Variants in COL9A1 observed in about 807,000 individuals in gnomAD.
The protein encoded by COL9A1 is collagen alpha-1(IX) chain.
In COL9A1, 104 loss-of-function variants were observed where a neutral mutation model predicts 142.6. That is an observed-to-expected ratio of 0.73 (90% CI 0.62 to 0.86). COL9A1 has a LOEUF of 0.86. Ranked by LOEUF, COL9A1 falls within the 40% of genes least tolerant of loss-of-function variation. The pLI is 0.00. For missense variants in COL9A1, 1,210 were observed against 1,176.6 expected (o/e 1.03, Z -0.42); for synonymous variants, 466 against 396.0 (o/e 1.18, Z -2.10).
chr6:70,272,148 T>C, intron 12 of COL9A1, 60 bp from the exon 13 acceptor site: 1 of 1,375,194 alleles, frequency 7.3e-7, no homozygotes, highest in Non-Finnish European at 1.0e-6. Context: ...TAAATATGAA[T>C]GTAGACATAA....
chr6:70,222,030 T>G lies in COL9A1; in HGVS notation c.2581+3902A>C, dbSNP rs116364152. On this transcript the variant is annotated intron_variant, in intron 37 of 37. Coordinates refer to ENST00000357250, the MANE Select transcript of COL9A1 (RefSeq NM_001851.6). ...TGTCTAGGTTGCAAAGAAAAACTAA[T>G]CGTATGATTAGACAGCCAGCCAATC... 8.9e-3 allele frequency among the ~76,000 whole-genome samples: 1,358 copies of G among 152,280 alleles called. 25 individuals are homozygous for G. Among genetic ancestry groups the G allele is most frequent in the African/African-American group, 0.031 (1,281 of 41,552 alleles).
intron 36 of COL9A1, among the ~76,000 whole-genome samples, chr6:70,229,511 T>C (rs1769418831): frequency 1.3e-5 from 2 of 152,180 alleles, no homozygotes; most frequent in African/African-American, 4.8e-5. Flanking sequence ...ATGCTCTATC[T>C]CCATGTAAAC....
chr6:70,280,478 G>A, intron 10 of COL9A1: 1 of 1,297,124 alleles, frequency 7.7e-7, no homozygotes, highest in Non-Finnish European at 9.8e-7. Context: ...ACAATCTATT[G>A]CCATCCGTAC....
At chr6:70,301,945 C>T (rs959550512) in intron 2 of COL9A1, 56 bp downstream of exon 2, 11 of 1,378,308 alleles carry the variant, frequency 8.0e-6, no homozygotes, top group South Asian at 1.2e-5. Context: ...CACAGCCCTG[C>T]CTGATCATTT....
chr6:70,292,414 C>G (rs151031629), intron 5 of COL9A1, among the ~76,000 whole-genome samples: 1 of 152,152 alleles, frequency 6.6e-6, no homozygotes, highest in African/African-American at 2.4e-5. Flanking sequence ...GTAAAACCAG[C>G]TGCCAGGTTT....
At chr6:70,227,009 A>G (rs958964895) in intron 36 of COL9A1, among the ~76,000 whole-genome samples, 8 of 152,132 alleles carry the variant, frequency 5.3e-5, no homozygotes, top group African/African-American at 1.9e-4. Flanking sequence ...AAGCCCAAAA[A>G]GTAGGCCCAA....
In COL9A1 at chr6:70,280,829, C is replaced by T; in HGVS notation, c.958G>A (p.Gly320Ser). 6.2e-7 allele frequency: 1 copy of T among 1,613,092 alleles called. No homozygotes were observed. Among genetic ancestry groups the T allele is most frequent in the Non-Finnish European group, 8.5e-7 (1 of 1,179,786 alleles). Reference sequence around the variant, plus strand: ...CTACTCACATCAGCGCCAGGTGTGCCAGGCTTGCCTGGAGCTCCTGGCTTT... The same window carrying T: ...CTACTCACATCAGCGCCAGGTGTGCTAGGCTTGCCTGGAGCTCCTGGCTTT... Reference protein sequence around the residue: ...PGKPGAPGKPGTPGADGLTGP... With the variant: ...PGKPGAPGKPSTPGADGLTGP... Residue 320 changes from glycine (G) to serine (S), a missense_variant, in exon 10 of 38, where the codon GGC becomes AGC. Coordinates refer to ENST00000357250, the MANE Select transcript of COL9A1 (RefSeq NM_001851.6).
At position 70,279,648 on chromosome 6, in the gene COL9A1, C is replaced by CAAA. The variant is rs57993118; in HGVS notation, c.975+1161_975+1163dup. ...GGGCAACAAGAGCGAAACTTCGTCT[C>CAAA]AAAAAAAAAAAAAAAAAAAAAACAC... On this transcript the variant is annotated intron_variant, in intron 10 of 37. Transcript: ENST00000357250. 57 of 58,082 alleles carry CAAA rather than the reference C, an allele frequency of 9.8e-4. 1 individual carries two copies. Among genetic ancestry groups the CAAA allele is most frequent in the African/African-American group, 1.6e-3 (26 of 16,434 alleles). The allele number at this position is 58,082 out of a possible 1,614,324, so 3.6% of individuals were successfully genotyped here.
At chr6:70,289,124 G>T (rs1398677630) in intron 5 of COL9A1, among the ~76,000 whole-genome samples, 16 of 152,050 alleles carry the variant, frequency 1.1e-4, no homozygotes, top group Admixed American at 1.0e-3. Context: ...ATGATAAACT[G>T]AGAGGTTTGG....
intron 5 of COL9A1, among the ~76,000 whole-genome samples, chr6:70,292,301 T>C (rs528666025): frequency 8.2e-4 from 125 of 152,300 alleles, no homozygotes; most frequent in African/African-American, 2.9e-3. Context: ...GAGTCAGAAT[T>C]CAGTCTGAAG....
At chr6:70,232,852 C>A (rs1043172574) in intron 35 of COL9A1, 81 bp from the exon 36 acceptor site, 3 of 1,391,788 alleles carry the variant, frequency 2.2e-6, no homozygotes, top group East Asian at 2.5e-5. Context: ...ATTCCAAATG[C>A]CTTTTTTTCT....
intron 28 of COL9A1, among the ~76,000 whole-genome samples, chr6:70,250,706 T>G (rs1220626843): frequency 6.6e-6 from 1 of 152,254 alleles, no homozygotes; most frequent in Non-Finnish European, 1.5e-5. Flanking sequence ...TGGAAATGTT[T>G]CTGTGTTCTC....
Position 70,282,930 on chromosome 6 carries a change from A to G in COL9A1, c.781-12T>C, listed in dbSNP as rs1773263087. 6.2e-7 allele frequency: 1 copy of G among 1,614,024 alleles called. No homozygotes were observed. ...GTGGTCTGGCTGGGCTGGAGAAGAAAAGATGGGGAGAAAGTGAGAAAAGCA... is the reference window on the plus strand; with the variant it reads ...GTGGTCTGGCTGGGCTGGAGAAGAAGAGATGGGGAGAAAGTGAGAAAAGCA... On this transcript the variant is annotated splice_polypyrimidine_tract_variant and intron_variant, in intron 6 of 37. Transcript: ENST00000357250.
intron 37 of COL9A1, among the ~76,000 whole-genome samples, chr6:70,222,418 A>T (rs1184463577): frequency 6.6e-6 from 1 of 152,234 alleles, no homozygotes; most frequent in Non-Finnish European, 1.5e-5. Context: ...ATATTCACCC[A>T]GCCTACTCCT....
chr6:70,295,281 C>CTTTTTTTT lies in COL9A1; in HGVS notation c.300-726_300-719dup, dbSNP rs1171549562. Among the ~76,000 whole-genome samples the CTTTTTTTT allele has an allele frequency of 5.7e-4, 36 of 63,166 alleles. 4 individuals are homozygous for CTTTTTTTT. The highest frequency in any genetic ancestry group is 2.0e-3 in the African/African-American group (32 of 15,656). The allele number at this position is 63,166 out of a possible 152,430, so 41.4% of individuals were successfully genotyped here. On this transcript the variant is annotated intron_variant, in intron 4 of 37. Coordinates refer to ENST00000357250, the MANE Select transcript of COL9A1 (RefSeq NM_001851.6). Reference sequence around the variant, plus strand: ...CTCTACTGCAACTCTGTTGTTGCTTCTTTTTTTTTTTTTTTTTTTTTTTTT... The same window carrying CTTTTTTTT: ...CTCTACTGCAACTCTGTTGTTGCTTCTTTTTTTTTTTTTTTTTTTTTTTTTTTTTTTTT...
At chr6:70,302,624 G>A (rs955297896) in intron 1 of COL9A1, among the ~76,000 whole-genome samples, 1 of 151,004 alleles carries the variant, frequency 6.6e-6, no homozygotes, top group Non-Finnish European at 1.5e-5. Context: ...TCACTGTTTT[G>A]GTACCTATTT....
At chr6:70,297,137 T>G (rs1583351447) in intron 4 of COL9A1, among the ~76,000 whole-genome samples, 2 of 152,228 alleles carry the variant, frequency 1.3e-5, no homozygotes, top group Admixed American at 1.3e-4. Flanking sequence ...GAGATTATGT[T>G]AAAGGTAGGA....
At chr6:70,223,947 A>C (rs1243038718) in intron 37 of COL9A1, among the ~76,000 whole-genome samples, 1 of 152,038 alleles carries the variant, frequency 6.6e-6, no homozygotes, top group Non-Finnish European at 1.5e-5. Context: ...GGGGAGAGCA[A>C]AGTGAGAGGA....
At position 70,225,955 on chromosome 6, in the gene COL9A1, A is replaced by G. The variant is rs886702234; in HGVS notation, c.2558T>C (p.Leu853Ser). ...ACCTGGGAGACCTATAGCTCCAGGC[A>G]AACCGTTGGGACCTCTTCCTGGAGG... Reference protein sequence around the residue: ...RGPPGRGPNGLPGAIGLPGDP... With the variant: ...RGPPGRGPNGSPGAIGLPGDP... The change falls in exon 37 of 38, where the codon TTG becomes TCG. Residue 853 changes from leucine (L) to serine (S), a missense_variant. Physicochemically the swap from Leu to Ser is moderately radical, Grantham distance 145 (BLOSUM62 -2). Transcript: ENST00000357250. 6.2e-7 allele frequency: 1 copy of G among 1,614,056 alleles called. No individual in the cohort carries two copies. Among genetic ancestry groups the G allele is most frequent in the Admixed American group, 1.7e-5 (1 of 60,026 alleles).
Sources: gnomAD v4.1 joint callset for allele counts (sites outside exome capture counted in the v4.1 genomes callset) on GRCh38, gnomAD v4.1.1 for gene constraint, MANE v1.5 for transcripts, NCBI Gene and HGNC (gene_info 2026-07-23, HGNC 2026-07-21) for gene names.